Variants in LARS2 observed in about 807,000 individuals in gnomAD.
LARS2 encodes leucyl-tRNA synthetase 2, mitochondrial.
A neutral mutation model predicts 116.6 loss-of-function variants in LARS2; 81 were observed. The ratio of observed to expected loss-of-function variants is 0.69; its 90% confidence interval spans 0.58 to 0.84. The LOEUF is 0.84. Ranked by LOEUF, LARS2 falls within the 40% of genes least tolerant of loss-of-function variation. LARS2 has a pLI of 0.00. For missense variants in LARS2, 968 were observed against 1,114.5 expected (o/e 0.87, Z 1.87); for synonymous variants, 396 against 407.2 (o/e 0.97, Z 0.33).
chr3:45,401,685 A>G lies in LARS2; in HGVS notation c.363+1312A>G, dbSNP rs372873290. On this transcript the variant is annotated intron_variant, in intron 4 of 21. Transcript: ENST00000645846. ...CCCCGGCTGGAGTGCTGTGGTTGCAATCACAGTTCATTGCAGCCTCGACCT... is the reference window on the plus strand; with the variant it reads ...CCCCGGCTGGAGTGCTGTGGTTGCAGTCACAGTTCATTGCAGCCTCGACCT... Among the ~76,000 whole-genome samples the G allele has an allele frequency of 5.7e-4, 87 of 152,190 alleles. 1 individual carries two copies. The highest frequency in any genetic ancestry group is 2.0e-3 in the African/African-American group (83 of 41,522).
chr3:45,474,607 G>T (rs1009704311), intron 9 of LARS2, among the ~76,000 whole-genome samples: 4 of 152,124 alleles, frequency 2.6e-5, no homozygotes, highest in African/African-American at 9.7e-5. Flanking sequence ...ATTTATTAAA[G>T]AAAGAGTTTA....
In LARS2 at chr3:45,394,652, A is replaced by G; in HGVS notation, c.199A>G (p.Ile67Val). The change falls in exon 3 of 22, where the codon ATA becomes GTA. Residue 67 changes from isoleucine to valine, a missense_variant. Transcript: ENST00000645846. ...TGTTGAGAAATGGTGGCATCAACGA[A>G]TAAAAGAACAGGCCTCCAAAATTTC... ...KDVEKWWHQRIKEQASKISEA... is the reference protein window; with the variant it reads ...KDVEKWWHQRVKEQASKISEA... 6.2e-7 allele frequency: 1 copy of G among 1,614,158 alleles called. No individual in the cohort carries two copies.
Position 45,457,544 on chromosome 3 carries a change from G to A in LARS2, c.607-1199G>A, listed in dbSNP as rs554649763. On this transcript the variant is annotated intron_variant, in intron 7 of 21. Transcript: ENST00000645846. ...AAATACAAAATTAGCTGGGCCTGGTGGCACATGCCTGTAATCCCAGCTACC... is the reference window on the plus strand; with the variant it reads ...AAATACAAAATTAGCTGGGCCTGGTAGCACATGCCTGTAATCCCAGCTACC... Among the ~76,000 whole-genome samples the A allele has an allele frequency of 9.2e-5, 14 of 152,274 alleles. No homozygotes were observed. In the East Asian group the frequency reaches 2.7e-3, roughly 29 times the overall value.
intron 8 of LARS2, among the ~76,000 whole-genome samples, chr3:45,465,797 C>T (rs758181081): frequency 4.6e-5 from 7 of 152,192 alleles, no homozygotes; most frequent in Admixed American, 2.0e-4. Context: ...CCCAGATGTC[C>T]CCCACCAATG....
rs890877498 is a variant in LARS2, at chr3:45,531,091, G to C, written c.2404+6983G>C. 8.6e-5 allele frequency among the ~76,000 whole-genome samples: 13 copies of C among 152,010 alleles called. No homozygotes were observed. In the South Asian group the frequency reaches 2.5e-3, roughly 29 times the overall value. On this transcript the variant is annotated intron_variant, in intron 20 of 21. Coordinates refer to ENST00000645846, the MANE Select transcript of LARS2 (RefSeq NM_015340.4). ...TATATTTTCTGACTGATAATGGCTG[G>C]CATATTTTTCTTCTGTAAAACCACA...
In LARS2 at chr3:45,446,901, C is replaced by T. The variant is rs1019315784; in HGVS notation, c.527C>T (p.Thr176Met). 3.7e-6 allele frequency: 6 copies of T among 1,604,056 alleles called. No individual in the cohort carries two copies. Among genetic ancestry groups the T allele is most frequent in the South Asian group, 2.2e-5 (2 of 90,564 alleles). ...LCFSWDREIT[T>M]CLPDYYKWTQ... ...CTTCTTTGTTGGCAGGAAATAACTA[C>T]GTGTTTGCCAGATTACTACAAGTGG... is the stretch of plus-strand genomic sequence containing the variant. Residue 176 changes from threonine to methionine, a missense_variant, in exon 7 of 22, where the codon ACG (threonine) becomes ATG (methionine). Transcript: ENST00000645846.
At chr3:45,543,713 C>T (rs1700832142) in intron 21 of LARS2, among the ~76,000 whole-genome samples, 1 of 152,114 alleles carries the variant, frequency 6.6e-6, no homozygotes, top group Non-Finnish European at 1.5e-5. Flanking sequence ...ATCTGCCCAC[C>T]TCAGCCTCCC....
At chr3:45,519,944 A>G (rs1368518063) in intron 18 of LARS2, among the ~76,000 whole-genome samples, 1 of 152,120 alleles carries the variant, frequency 6.6e-6, no homozygotes, top group Non-Finnish European at 1.5e-5. Context: ...CACTGTGCCC[A>G]GCCACTAGCA....
chr3:45,503,627 G>C (rs1700153493), intron 15 of LARS2, among the ~76,000 whole-genome samples: 1 of 151,544 alleles, frequency 6.6e-6, no homozygotes, highest in Non-Finnish European at 1.5e-5. Flanking sequence ...AATAATTCAG[G>C]CTCTCTTGTC....
chr3:45,491,654 C>T lies in LARS2; in HGVS notation c.1377C>T (p.Ile459=), dbSNP rs749931433. Residue 459 remains isoleucine, a synonymous_variant, in exon 13 of 22, where the codon ATC becomes ATT. Coordinates refer to ENST00000645846, the MANE Select transcript of LARS2 (RefSeq NM_015340.4). ...ISRQRYWGTP[I]PIVHCPVCGP... is the part of the protein sequence containing the mutation. ...GGCAGCGGTACTGGGGCACACCAAT[C>T]CCCATTGTCCACTGCCCAGTCTGTG... 2.5e-6 allele frequency: 4 copies of T among 1,614,216 alleles called. No individual in the cohort carries two copies. Among genetic ancestry groups the T allele is most frequent in the East Asian group, 2.2e-5 (1 of 44,888 alleles).
intron 15 of LARS2, among the ~76,000 whole-genome samples, chr3:45,511,879 G>T (rs556245978): frequency 6.9e-5 from 10 of 144,444 alleles, no homozygotes; most frequent in Non-Finnish European, 7.5e-5. Flanking sequence ...CTGGGCTCAA[G>T]CAACCCCTGC....
At chr3:45,482,638 T>C (rs1309249679) in intron 10 of LARS2, among the ~76,000 whole-genome samples, 2 of 152,224 alleles carry the variant, frequency 1.3e-5, no homozygotes, top group Non-Finnish European at 2.9e-5. Context: ...AAGTGATATA[T>C]GTATATTATA....
At chr3:45,422,393 A>C (rs1698529196) in intron 6 of LARS2, 1 of 152,172 alleles carries the variant, frequency 6.6e-6, no homozygotes, top group Non-Finnish European at 1.5e-5. Context: ...GTTGAATATT[A>C]TTAGCATACA....
intron 17 of LARS2, 37 bp from the exon 18 acceptor site, chr3:45,517,866 A>G (rs774839769): frequency 6.4e-7 from 1 of 1,571,352 alleles, no homozygotes. Flanking sequence ...CTTATGTTGC[A>G]CGCTCTCTCT....
chr3:45,434,005 T>G (rs1340050338), intron 6 of LARS2, among the ~76,000 whole-genome samples: 1 of 152,192 alleles, frequency 6.6e-6, no homozygotes, highest in Non-Finnish European at 1.5e-5. Context: ...CTCTGGCTGC[T>G]TTCAATATTT....
intron 6 of LARS2, among the ~76,000 whole-genome samples, chr3:45,431,417 G>T (rs1030728971): frequency 2.0e-5 from 3 of 152,102 alleles, no homozygotes; most frequent in Non-Finnish European, 4.4e-5. Flanking sequence ...TCCACTGTTT[G>T]TTGTCTACAT....
At chr3:45,394,770 A>C (rs1698016147) in intron 3 of LARS2, 83 bp downstream of exon 3, 1 of 876,164 alleles carries the variant, frequency 1.1e-6, no homozygotes, top group Admixed American at 2.4e-5. Flanking sequence ...TGGTTCAAAT[A>C]AGATATTAAA....
At chr3:45,539,882 T>C (rs1700764779) in intron 20 of LARS2, among the ~76,000 whole-genome samples, 1 of 108,728 alleles carries the variant, frequency 9.2e-6, no homozygotes, top group Admixed American at 1.0e-4. Flanking sequence ...ATTTACAGCA[T>C]GATCTTGTGG....
chr3:45,547,264 C>A, intron 21 of LARS2, 87 bp from the exon 22 acceptor site: 1 of 1,202,456 alleles, frequency 8.3e-7, no homozygotes, highest in Non-Finnish European at 1.2e-6. Context: ...TGCAGCCATG[C>A]CCTTTACAGG....
Sources: allele counts gnomAD v4.1 joint callset (sites outside exome capture counted in the v4.1 genomes callset), GRCh38; gene constraint gnomAD v4.1.1; transcripts MANE v1.5; gene names NCBI Gene and HGNC (gene_info 2026-07-23, HGNC 2026-07-21).